Variants in MAGI2 observed in about 807,000 individuals in gnomAD.
The protein encoded by MAGI2 is membrane-associated guanylate kinase, WW and PDZ domain-containing protein 2.
A neutral mutation model predicts 133.3 loss-of-function variants in MAGI2; 35 were observed. The ratio of observed to expected loss-of-function variants is 0.26; its 90% CI spans 0.20 to 0.35. MAGI2 has a LOEUF of 0.35. MAGI2 is among the 10% of genes least tolerant of loss of function. The pLI, the probability that MAGI2 is intolerant of heterozygous loss-of-function variation, is 1.00. For synonymous variants in MAGI2, 729 were observed against 710.6 expected, an observed-to-expected ratio of 1.03 and a Z score of -0.41; for missense variants, 1,636 against 1,863.4, an observed-to-expected ratio of 0.88 and a Z score of 2.25.
intron 2 of MAGI2, among the ~76,000 whole-genome samples, chr7:78,757,486 A>G (rs560766578): frequency 6.6e-6 from 1 of 152,308 alleles, no homozygotes; most frequent in African/African-American, 2.4e-5. Flanking sequence ...ATGGTAAAAA[A>G]CAAAAAAATA....
intron 3 of MAGI2, among the ~76,000 whole-genome samples, chr7:78,559,119 C>G (rs1800127924): frequency 9.9e-6 from 1 of 100,730 alleles, no homozygotes; most frequent in South Asian, 3.4e-4. Flanking sequence ...CTTTTAGGAG[C>G]TTGCAATCTG....
chr7:78,799,046 G>T (rs184088105), intron 2 of MAGI2, among the ~76,000 whole-genome samples: 11 of 152,288 alleles, frequency 7.2e-5, no homozygotes, highest in African/African-American at 2.2e-4. Flanking sequence ...CTATGAGATT[G>T]TTGAGGGTTA....
chr7:78,908,537 GGT>G (rs1298463004), intron 2 of MAGI2, among the ~76,000 whole-genome samples: 1 of 152,032 alleles, frequency 6.6e-6, no homozygotes, highest in Admixed American at 6.6e-5. Flanking sequence ...ATGGATGAAG[GGT>G]GAGAAATTCA....
intron 2 of MAGI2, among the ~76,000 whole-genome samples, chr7:78,861,555 C>A (rs1486173157): frequency 6.6e-6 from 1 of 152,194 alleles, no homozygotes; most frequent in Admixed American, 6.5e-5. Context: ...AGAGTTGATA[C>A]ACACCAATTA....
chr7:78,858,277 T>C (rs1793834375), intron 2 of MAGI2, among the ~76,000 whole-genome samples: 1 of 152,216 alleles, frequency 6.6e-6, no homozygotes, highest in African/African-American at 2.4e-5. Flanking sequence ...AACTCAGTTA[T>C]TTCTTGCCTT....
At chr7:78,895,076 T>C (rs542091323) in intron 2 of MAGI2, among the ~76,000 whole-genome samples, 1 of 152,292 alleles carries the variant, frequency 6.6e-6, no homozygotes, top group Admixed American at 6.5e-5. Context: ...AGTCCATTCA[T>C]GGCTTCATGG....
chr7:79,368,847 CAAAAAAA>C (rs71095400), intron 1 of MAGI2, among the ~76,000 whole-genome samples: 11 of 75,332 alleles, frequency 1.5e-4, no homozygotes, highest in Non-Finnish European at 2.6e-4. Flanking sequence ...GACTCCGTCT[CAAAAAAA>C]AAAAAAAAAA....
chr7:78,263,844 C>T (rs1204148911), intron 9 of MAGI2, among the ~76,000 whole-genome samples: 1 of 152,154 alleles, frequency 6.6e-6, no homozygotes, highest in Non-Finnish European at 1.5e-5. Flanking sequence ...TTTTCATTGT[C>T]TCCTGCTTTT....
intron 9 of MAGI2, among the ~76,000 whole-genome samples, chr7:78,257,077 T>A (rs1793065476): frequency 6.6e-6 from 1 of 152,220 alleles, no homozygotes; most frequent in Non-Finnish European, 1.5e-5. Context: ...TTTGCCCATT[T>A]ATTTTTTTCC....
intron 6 of MAGI2, among the ~76,000 whole-genome samples, chr7:78,466,984 G>T (rs905415575): frequency 6.6e-6 from 1 of 152,112 alleles, no homozygotes; most frequent in Non-Finnish European, 1.5e-5. Context: ...TCACACAAAA[G>T]CACAGAATAA....
At chr7:78,301,508 G>A (rs545406491) in intron 9 of MAGI2, among the ~76,000 whole-genome samples, 1 of 152,248 alleles carries the variant, frequency 6.6e-6, no homozygotes, top group South Asian at 2.1e-4. Flanking sequence ...TACAGTGCAC[G>A]ATGATTTCTC....
chr7:78,696,335 A>G (rs1817511957), intron 2 of MAGI2, among the ~76,000 whole-genome samples: 1 of 152,196 alleles, frequency 6.6e-6, no homozygotes, highest in African/African-American at 2.4e-5. Context: ...CAACTGAATT[A>G]ATGTTGTTCA....
At chr7:78,712,452 A>C (rs1819290308) in intron 2 of MAGI2, among the ~76,000 whole-genome samples, 1 of 152,222 alleles carries the variant, frequency 6.6e-6, no homozygotes, top group African/African-American at 2.4e-5. Flanking sequence ...ATTTATAATG[A>C]AAAAATCTAA....
chr7:79,183,162 A>G (rs1826766639), intron 1 of MAGI2, among the ~76,000 whole-genome samples: 1 of 151,862 alleles, frequency 6.6e-6, no homozygotes, highest in Non-Finnish European at 1.5e-5. Context: ...AGATACAACC[A>G]TATATTGTAT....
Position 78,871,352 on chromosome 7 carries a change from CAG to C in MAGI2, c.418+135736_418+135737del, listed in dbSNP as rs1237389941. The stretch of plus-strand genomic sequence containing the variant: ...AATAATTTAATGGACTTTGGGGACT[CAG>C]GGGGTGAGGGATATAAGACTACGCA... On this transcript the variant is annotated intron_variant, in intron 2 of 21. Coordinates refer to ENST00000354212, the MANE Select transcript of MAGI2 (RefSeq NM_012301.4). Among the ~76,000 whole-genome samples, 3 of 151,850 alleles carry C rather than the reference CAG, an allele frequency of 2.0e-5. No homozygotes were observed. The East Asian group carries it at 5.8e-4, about 29-fold the overall frequency.
At chr7:78,607,225 ACT>A (rs1415381265) in intron 3 of MAGI2, among the ~76,000 whole-genome samples, 7 of 152,014 alleles carry the variant, frequency 4.6e-5, no homozygotes, top group Admixed American at 4.6e-4. Context: ...AGAAAACATC[ACT>A]CTGATTTCTG....
intron 2 of MAGI2, among the ~76,000 whole-genome samples, chr7:78,929,334 G>T (rs1799940430): frequency 2.0e-5 from 3 of 152,040 alleles, no homozygotes; most frequent in South Asian, 4.1e-4. Context: ...TCTTGCAGTA[G>T]ATTCTTATCT....
chr7:78,861,077 G>A (rs752865097), intron 2 of MAGI2, among the ~76,000 whole-genome samples: 3 of 152,192 alleles, frequency 2.0e-5, no homozygotes, highest in Admixed American at 1.3e-4. Flanking sequence ...TGTGCCGTTT[G>A]CTAAGGCCAT....
intron 3 of MAGI2, among the ~76,000 whole-genome samples, chr7:78,556,499 A>G (rs149700984): frequency 1.3e-5 from 2 of 152,298 alleles, no homozygotes; most frequent in African/African-American, 2.4e-5. Context: ...AATGTTTGCA[A>G]TGGAAGCTTA....
Sources: allele counts gnomAD v4.1 joint callset (sites outside exome capture counted in the v4.1 genomes callset), GRCh38; gene constraint gnomAD v4.1.1; transcripts MANE v1.5; gene names NCBI Gene and HGNC (gene_info 2026-07-23, HGNC 2026-07-21).